POLR3E: variants seen among roughly 807,000 people sequenced by gnomAD.
The protein encoded by POLR3E is RNA polymerase III subunit E, also known as DNA-directed RNA polymerase III subunit RPC5.
POLR3E carries 41 observed loss-of-function variants against 96.6 expected under a neutral mutation model. That is an observed-to-expected ratio of 0.42 (90% CI 0.33 to 0.55). The LOEUF is 0.55. Among genes scored for constraint, POLR3E ranks in the 20% least tolerant of loss-of-function variants. The pLI is 0.06. For missense variants in POLR3E, 849 were observed against 952.1 expected (o/e 0.89, Z 1.43); for synonymous variants, 396 against 383.6 (o/e 1.03, Z -0.38).
Position 22,325,278 on chromosome 16 carries a change from G to A in POLR3E, c.1348+12G>A, listed in dbSNP as rs2141806248. On this transcript the variant is annotated intron_variant, in intron 17 of 20. Coordinates refer to ENST00000299853, the MANE Select transcript of POLR3E (RefSeq NM_018119.4). ...GGATGCACAATCAGGTGTGTGAGGGGCTTTGGGCTGGGAGGCCCCGGCTCC... is the reference window on the plus strand; with the variant it reads ...GGATGCACAATCAGGTGTGTGAGGGACTTTGGGCTGGGAGGCCCCGGCTCC... 5.6e-6 allele frequency: 9 copies of A among 1,610,564 alleles called. No homozygotes were observed. The highest frequency in any genetic ancestry group is 1.1e-5 in the South Asian group (1 of 90,998).
At chr16:22,309,081 C>T (rs757385598) in intron 5 of POLR3E, 41 bp downstream of exon 5, 10 of 1,367,822 alleles carry the variant, frequency 7.3e-6, no homozygotes, top group Non-Finnish European at 1.0e-5. Context: ...TCCCTGCGTT[C>T]ACACAGGAGC....
At position 22,320,406 on chromosome 16, in the gene POLR3E, C is replaced by T. The variant is rs1598263784; in HGVS notation, c.986+1460C>T. ...CCTCCCAAGTAACTGGGATTATAGG[C>T]GCTTGCCACCACGCCCGGCTAATTT... On this transcript the variant is annotated intron_variant, in intron 13 of 20. Transcript: ENST00000299853. Among the ~76,000 whole-genome samples the T allele has an allele frequency of 4.6e-5, 7 of 152,156 alleles. 1 individual carries two copies. The highest frequency in any genetic ancestry group is 6.5e-5 in the Admixed American group (1 of 15,280).
At chr16:22,305,364 G>T (rs2048113750) in intron 3 of POLR3E, 158 bp downstream of exon 3, 2 of 717,832 alleles carry the variant, frequency 2.8e-6, no homozygotes, top group South Asian at 2.9e-5. Context: ...GGTTAATATT[G>T]GTCTCATTTC....
intron 1 of POLR3E, 25 bp downstream of exon 1, chr16:22,297,562 G>T (rs570049944): frequency 2.0e-4 from 30 of 152,558 alleles, no homozygotes; most frequent in African/African-American, 7.0e-4. Context: ...GGCAGTGCCC[G>T]AGCTGGGGCT....
intron 4 of POLR3E, 42 bp from the exon 5 acceptor site, chr16:22,308,883 C>G (rs753523331): frequency 7.3e-7 from 1 of 1,364,618 alleles, no homozygotes; most frequent in Non-Finnish European, 1.0e-6. Flanking sequence ...GGAGCCATGC[C>G]TTGGGGTCCT....
chr16:22,329,903 A>G lies in POLR3E; in HGVS notation c.1944+1316A>G, dbSNP rs190397191. ...CTCAGCCTCCCAAAGTGCTAGGATC[A>G]TAGGCATTTACATCACCAAAAGATA... On this transcript the variant is annotated intron_variant, in intron 19 of 20. Coordinates refer to ENST00000299853, the MANE Select transcript of POLR3E (RefSeq NM_018119.4). Among the ~76,000 whole-genome samples the G allele has an allele frequency of 5.0e-3, 767 of 152,002 alleles. 6 individuals carry two copies. The highest frequency in any genetic ancestry group is 0.017 in the African/African-American group (721 of 41,460).
chr16:22,304,773 G>T (rs2048100099), intron 2 of POLR3E, among the ~76,000 whole-genome samples: 1 of 152,178 alleles, frequency 6.6e-6, no homozygotes, highest in African/African-American at 2.4e-5. Flanking sequence ...GGGGCAGGTG[G>T]AGGGCCCAGC....
In POLR3E at chr16:22,322,652, G is replaced by A. The variant is rs945847259; in HGVS notation, c.987-198G>A. Among the ~76,000 whole-genome samples, 12 of 152,128 alleles carry A rather than the reference G, an allele frequency of 7.9e-5. No homozygotes were observed. Among genetic ancestry groups the A allele is most frequent in the Non-Finnish European group, 1.5e-4 (10 of 68,020 alleles). On this transcript the variant is annotated intron_variant, in intron 13 of 20. Coordinates refer to ENST00000299853, the MANE Select transcript of POLR3E (RefSeq NM_018119.4). The surrounding 1 kb of genome is among the most constrained non-coding windows in gnomAD (Gnocchi z 5.2). ...TGAGGGGTAATAAGAGGAAGAACTGGGGGGATGTGTGGGGTAGAGGGGTGC... is the reference window on the plus strand; with the variant it reads ...TGAGGGGTAATAAGAGGAAGAACTGAGGGGATGTGTGGGGTAGAGGGGTGC...
chr16:22,328,228 A>G, intron 18 of POLR3E: 1 of 435,674 alleles, frequency 2.3e-6, no homozygotes, highest in Non-Finnish European at 4.2e-6. Context: ...TGTACGGAGG[A>G]TATCTGCAGA....
chr16:22,330,988 CTTTTTT>C (rs56100056), intron 19 of POLR3E, among the ~76,000 whole-genome samples: 14 of 50,754 alleles, frequency 2.8e-4, no homozygotes, highest in Middle Eastern at 0.023. Flanking sequence ...ATGAAGCATC[CTTTTTT>C]TTTTTTTTTT....
rs758066403 is a variant in POLR3E, at chr16:22,318,956, TTTTTTTA to T, written c.986+23_986+29del. 2 of 1,562,244 alleles carry T rather than the reference TTTTTTTA, an allele frequency of 1.3e-6. No homozygotes were observed. The highest frequency in any genetic ancestry group is 2.0e-5 in the Admixed American group (1 of 51,238). Reference sequence around the variant, plus strand: ...ACTGGGTGGTGAAGAGGTAAGTTGCTTTTTTTATTTTTTATTTTTATTTATTTTTTTC... The same window carrying T: ...ACTGGGTGGTGAAGAGGTAAGTTGCTTTTTTTATTTTTATTTATTTTTTTC... On this transcript the variant is annotated intron_variant, in intron 13 of 20. Coordinates refer to ENST00000299853, the MANE Select transcript of POLR3E (RefSeq NM_018119.4). The surrounding 1 kb of genome is among the most constrained non-coding windows in gnomAD (Gnocchi z 5.0).
intron 6 of POLR3E, 55 bp downstream of exon 6, chr16:22,309,565 A>C: frequency 8.9e-7 from 1 of 1,123,146 alleles, no homozygotes; most frequent in Non-Finnish European, 1.4e-6. Context: ...GGGGCTGGGC[A>C]GGGAGAGTAC....
chr16:22,328,115 C>T (rs573527400), intron 18 of POLR3E: 9 of 177,688 alleles, frequency 5.1e-5, no homozygotes, highest in Admixed American at 1.8e-4. Flanking sequence ...GGGAAGGGGG[C>T]GCCCCTCCAT....
rs767206740 is a variant in POLR3E at position 22,328,535 on chromosome 16, C to T, written c.1892C>T (p.Pro631Leu). The T allele has an allele frequency of 2.4e-5, 39 of 1,614,056 alleles. No individual in the cohort carries two copies. The highest frequency in any genetic ancestry group is 6.6e-5 in the South Asian group (6 of 91,078). ...VPFPPQTAAS[P>L]DEQKVFALWE... ...TTTCCCCCCCAGACTGCTGCTTCCC[C>T]GGATGAGCAGAAGGTGTTTGCCCTC... Residue 631 changes from proline to leucine, a missense_variant, in exon 19 of 21, where the codon CCG becomes CTG. By Grantham distance (98) the Pro-to-Leu change is moderately conservative. Coordinates refer to ENST00000299853, the MANE Select transcript of POLR3E (RefSeq NM_018119.4).
intron 9 of POLR3E, 63 bp from the exon 10 acceptor site, chr16:22,316,538 G>T: frequency 7.6e-7 from 1 of 1,316,724 alleles, no homozygotes; most frequent in South Asian, 1.2e-5. Flanking sequence ...AGGCCTTGGG[G>T]GAGGGGGCCC....
intron 6 of POLR3E, 87 bp downstream of exon 6, chr16:22,309,597 TC>T: frequency 2.1e-6 from 2 of 943,514 alleles, no homozygotes; most frequent in Non-Finnish European, 3.5e-6. Flanking sequence ...GGTGTCCATC[TC>T]CCACCTGCCC....
intron 19 of POLR3E, among the ~76,000 whole-genome samples, chr16:22,330,367 G>A (rs753921210): frequency 3.9e-5 from 6 of 152,176 alleles, no homozygotes; most frequent in Non-Finnish European, 7.3e-5. Flanking sequence ...TTACAAGCGT[G>A]AGCCACCACA....
intron 17 of POLR3E, 97 bp downstream of exon 17, chr16:22,325,363 G>T: frequency 1.0e-6 from 1 of 976,680 alleles, no homozygotes; most frequent in Non-Finnish European, 1.7e-6. Context: ...ACCTGGAGAG[G>T]GTGGAGGGCT....
chr16:22,298,587 G>A (rs934887925), intron 1 of POLR3E, among the ~76,000 whole-genome samples: 1 of 152,038 alleles, frequency 6.6e-6, no homozygotes, highest in Non-Finnish European at 1.5e-5. Context: ...TTTTGTTCTC[G>A]GGTCCAAGCT....
Sources: allele counts gnomAD v4.1 joint callset (sites outside exome capture counted in the v4.1 genomes callset), GRCh38; gene constraint gnomAD v4.1.1; non-coding constraint Gnocchi (gnomAD v3.1); transcripts MANE v1.5; gene names NCBI Gene and HGNC (gene_info 2026-07-23, HGNC 2026-07-21).